The following CSMD3 variants were observed in gnomAD, a reference collection of about 807,000 sequenced individuals.
CSMD3 encodes CUB and Sushi multiple domains 3, also known as CUB and sushi domain-containing protein 3.
A neutral mutation model predicts 435.2 loss-of-function variants in CSMD3; 177 were observed. The observed-to-expected ratio is 0.41, with a 90% confidence interval of 0.36 to 0.46. The LOEUF (loss-of-function observed/expected upper bound fraction) is 0.46, where lower values mean the gene tolerates loss of function less well. Among genes scored for constraint, CSMD3 ranks in the 20% least tolerant of loss-of-function variants. CSMD3 has a pLI of 0.34. For synonymous variants in CSMD3, 1,656 were observed against 1,520.5 expected (o/e 1.09, Z -2.07); for missense variants, 4,265 against 4,504.6 (o/e 0.95, Z 1.52).
At chr8:112,512,203 T>C (rs762337520) in intron 28 of CSMD3, among the ~76,000 whole-genome samples, 3 of 152,234 alleles carry the variant, frequency 2.0e-5, no homozygotes, top group Non-Finnish European at 4.4e-5. Context: ...AATTGTAAAT[T>C]CTTTCCAGAA....
chr8:112,615,345 G>A (rs925420732), intron 22 of CSMD3, among the ~76,000 whole-genome samples: 6 of 152,032 alleles, frequency 3.9e-5, no homozygotes, highest in Admixed American at 3.9e-4. Flanking sequence ...TTGTCCCCAA[G>A]AGTAAACCTA....
At chr8:112,701,093 C>T (rs773435398) in intron 13 of CSMD3, among the ~76,000 whole-genome samples, 2 of 152,052 alleles carry the variant, frequency 1.3e-5, no homozygotes, top group Non-Finnish European at 2.9e-5. Context: ...AGAAATACAC[C>T]TCCCAAGCTC....
intron 32 of CSMD3, among the ~76,000 whole-genome samples, chr8:112,409,265 A>G (rs1702978503): frequency 6.6e-6 from 1 of 152,072 alleles, no homozygotes; most frequent in African/African-American, 2.4e-5. Flanking sequence ...TAAGACAACA[A>G]TTCTTAAAAA....
At chr8:112,821,392 T>C (rs1240991755) in intron 12 of CSMD3, among the ~76,000 whole-genome samples, 2 of 152,182 alleles carry the variant, frequency 1.3e-5, no homozygotes, top group African/African-American at 4.8e-5. Context: ...TGTATCTCTA[T>C]AATGATCAAT....
chr8:113,334,053 G>T (rs1321611757), intron 1 of CSMD3, among the ~76,000 whole-genome samples: 1 of 151,786 alleles, frequency 6.6e-6, no homozygotes, highest in Non-Finnish European at 1.5e-5. Flanking sequence ...TAATTTAGAT[G>T]TCTACATGTT....
chr8:112,538,525 C>A (rs1432544981), intron 27 of CSMD3, among the ~76,000 whole-genome samples: 2 of 151,474 alleles, frequency 1.3e-5, no homozygotes, highest in Non-Finnish European at 2.9e-5. Flanking sequence ...AATCAACATA[C>A]AAAACTCAGT....
chr8:112,314,583 A>G lies in CSMD3; in HGVS notation c.7395T>C (p.Ser2465=). 1 of 1,612,844 alleles carries G rather than the reference A, an allele frequency of 6.2e-7. No homozygotes were observed. Among genetic ancestry groups the G allele is most frequent in the Non-Finnish European group, 8.5e-7 (1 of 1,179,050 alleles). The change falls in exon 48 of 71, where the codon TCT becomes TCC. Residue 2465 remains serine (S), a synonymous_variant. Coordinates refer to ENST00000297405, the MANE Select transcript of CSMD3 (RefSeq NM_198123.2). ...ATCCAGGGCTCAATATGACTCCAGT[A>G]GAATCTAGCCGTAATTCATTGGCAG... ...LCPANELRLD[S]TGVILSPGYP...
intron 13 of CSMD3, among the ~76,000 whole-genome samples, chr8:112,716,429 C>A (rs1422324464): frequency 6.6e-6 from 1 of 152,082 alleles, no homozygotes; most frequent in Admixed American, 6.6e-5. Flanking sequence ...AGAGAAAACA[C>A]AAACAAATGG....
At chr8:113,305,221 C>T in intron 2 of CSMD3, among the ~76,000 whole-genome samples, 1 of 151,770 alleles carries the variant, frequency 6.6e-6, no homozygotes, top group Non-Finnish European at 1.5e-5. Flanking sequence ...TTAGTGGGTG[C>T]AGCGCACCAG....
intron 2 of CSMD3, among the ~76,000 whole-genome samples, chr8:113,282,512 G>A (rs2093620152): frequency 6.6e-6 from 1 of 151,758 alleles, no homozygotes; most frequent in African/African-American, 2.4e-5. Context: ...AAAATACTTA[G>A]GAATAAACCT....
intron 25 of CSMD3, among the ~76,000 whole-genome samples, chr8:112,553,254 A>T (rs1280829698): frequency 6.6e-6 from 1 of 152,092 alleles, no homozygotes; most frequent in East Asian, 1.9e-4. Flanking sequence ...TTACTTCAGT[A>T]AAATCTAGTT....
At chr8:112,626,020 T>G (rs1834447033) in intron 22 of CSMD3, among the ~76,000 whole-genome samples, 1 of 152,080 alleles carries the variant, frequency 6.6e-6, no homozygotes, top group Non-Finnish European at 1.5e-5. Context: ...GCAACTGTCT[T>G]GGTATAATAA....
At chr8:112,740,189 TA>T (rs1235009186) in intron 13 of CSMD3, among the ~76,000 whole-genome samples, 3 of 151,714 alleles carry the variant, frequency 2.0e-5, no homozygotes, top group East Asian at 3.9e-4. Context: ...CACAAAAATA[TA>T]AAAAAAATTT....
intron 1 of CSMD3, among the ~76,000 whole-genome samples, chr8:113,408,715 G>T (rs576561572): frequency 6.6e-6 from 1 of 151,668 alleles, no homozygotes; most frequent in African/African-American, 2.4e-5. Context: ...TGGCGTGCAG[G>T]GGCGAAATCT....
chr8:112,687,052 A>G (rs1013179847), intron 14 of CSMD3, among the ~76,000 whole-genome samples: 1 of 152,080 alleles, frequency 6.6e-6, no homozygotes, highest in Non-Finnish European at 1.5e-5. Flanking sequence ...TTTGTTCATT[A>G]TTTCCTTGGT....
intron 10 of CSMD3, among the ~76,000 whole-genome samples, chr8:112,907,816 T>C (rs969294211): frequency 1.3e-5 from 2 of 151,384 alleles, no homozygotes; most frequent in East Asian, 3.9e-4. Context: ...ATCTGCAGAA[T>C]AGAAAAAGTA....
At chr8:112,626,454 T>C (rs1175418958) in intron 22 of CSMD3, among the ~76,000 whole-genome samples, 1 of 152,130 alleles carries the variant, frequency 6.6e-6, no homozygotes, top group African/African-American at 2.4e-5. Context: ...ATGGCATATA[T>C]ATTTTCTATT....
chr8:113,384,821 C>G (rs113827182), intron 1 of CSMD3, among the ~76,000 whole-genome samples: 10 of 152,264 alleles, frequency 6.6e-5, no homozygotes, highest in African/African-American at 2.4e-4. Flanking sequence ...CCACCCCTTA[C>G]TTGTGGAACC....
intron 32 of CSMD3, among the ~76,000 whole-genome samples, chr8:112,469,416 A>G (rs1818301230): frequency 6.6e-6 from 1 of 152,120 alleles, no homozygotes; most frequent in Non-Finnish European, 1.5e-5. Context: ...TAGAGCCTTA[A>G]CCCCTATGTA....
Sources: gnomAD v4.1 joint callset for allele counts (sites outside exome capture counted in the v4.1 genomes callset) on GRCh38, gnomAD v4.1.1 for gene constraint, MANE v1.5 for transcripts, NCBI Gene and HGNC (gene_info 2026-07-23, HGNC 2026-07-21) for gene names.